Variants in DLGAP2 observed in about 807,000 individuals in gnomAD.
DLGAP2 encodes DLG associated protein 2.
A neutral mutation model predicts 100.3 loss-of-function variants in DLGAP2; 26 were observed. The observed-to-expected ratio is 0.26, with a 90% CI of 0.19 to 0.36. DLGAP2 has a LOEUF of 0.36. DLGAP2 is among the 10% of genes least tolerant of loss of function. DLGAP2 has a pLI of 1.00. For synonymous variants in DLGAP2, 886 were observed against 630.1 expected (o/e 1.41, Z -6.08); for missense variants, 1,858 against 1,453.2 (o/e 1.28, Z -4.53).
chr8:1,179,568 T>G (rs146680332), intron 2 of DLGAP2, among the ~76,000 whole-genome samples: 3 of 152,376 alleles, frequency 2.0e-5, no homozygotes, highest in East Asian at 1.9e-4. Flanking sequence ...GACGGTGGAA[T>G]TAATTTGGCA....
At chr8:947,738 G>C (rs1425036517) in intron 2 of DLGAP2, among the ~76,000 whole-genome samples, 2 of 152,172 alleles carry the variant, frequency 1.3e-5, no homozygotes, top group Non-Finnish European at 2.9e-5. Context: ...ATTCCCACCC[G>C]TCACTTTTGA....
intron 1 of DLGAP2, among the ~76,000 whole-genome samples, chr8:798,106 T>C (rs1796071184): frequency 6.6e-6 from 1 of 152,236 alleles, no homozygotes; most frequent in African/African-American, 2.4e-5. Context: ...CCAGGCTGTT[T>C]GCATCAGTTT....
intron 2 of DLGAP2, among the ~76,000 whole-genome samples, chr8:1,118,549 G>GGCTGCTGCTGCT (rs367619218): frequency 0.052 from 7,873 of 151,674 alleles, 286 homozygotes; most frequent in African/African-American, 0.099. Context: ...AAATGAATGG[G>GGCTGCTGCTGCT]GCTGCTGCTG....
chr8:1,666,236 G>T, intron 8 of DLGAP2, among the ~76,000 whole-genome samples: 1 of 151,778 alleles, frequency 6.6e-6, no homozygotes, highest in Admixed American at 6.6e-5. Flanking sequence ...GAAAAGTCAG[G>T]AACAAAAGAA....
chr8:1,077,530 C>T (rs1803660995), intron 2 of DLGAP2, among the ~76,000 whole-genome samples: 1 of 152,206 alleles, frequency 6.6e-6, no homozygotes. Context: ...CCATTCTGGG[C>T]TCCACTGTCT....
At chr8:1,507,107 T>TA (rs1276889868) in intron 4 of DLGAP2, among the ~76,000 whole-genome samples, 1 of 152,228 alleles carries the variant, frequency 6.6e-6, no homozygotes, top group Non-Finnish European at 1.5e-5. Context: ...TGGCTTCACC[T>TA]AGCGGATCCT....
intron 5 of DLGAP2, among the ~76,000 whole-genome samples, chr8:1,559,746 T>C (rs1185521937): frequency 6.6e-6 from 1 of 152,252 alleles, no homozygotes; most frequent in Non-Finnish European, 1.5e-5. Context: ...CCAGCCAGCC[T>C]CAGCCTCCCT....
At chr8:1,637,427 C>T (rs573028471) in intron 8 of DLGAP2, among the ~76,000 whole-genome samples, 13 of 152,014 alleles carry the variant, frequency 8.6e-5, no homozygotes, top group African/African-American at 3.1e-4. Context: ...GCGGGGCTCT[C>T]AGATGCATAG....
At chr8:1,308,189 G>A (rs747976764) in intron 3 of DLGAP2, among the ~76,000 whole-genome samples, 10 of 152,226 alleles carry the variant, frequency 6.6e-5, no homozygotes, top group African/African-American at 1.2e-4. Context: ...AGGACAGAAC[G>A]CCTGCAGAGA....
chr8:1,508,074 A>C (rs979404310), intron 4 of DLGAP2, among the ~76,000 whole-genome samples: 1 of 151,866 alleles, frequency 6.6e-6, no homozygotes, highest in Non-Finnish European at 1.5e-5. Context: ...ACTGCATTTT[A>C]ACAACCCCGT....
At chr8:1,154,204 C>T (rs967391837) in intron 2 of DLGAP2, among the ~76,000 whole-genome samples, 1 of 152,196 alleles carries the variant, frequency 6.6e-6, no homozygotes. Flanking sequence ...TGAATCACTA[C>T]GGCGTCGTCC....
intron 1 of DLGAP2, among the ~76,000 whole-genome samples, chr8:824,181 C>T (rs1348264887): frequency 6.6e-6 from 1 of 152,096 alleles, no homozygotes; most frequent in Non-Finnish European, 1.5e-5. Context: ...CTCAGGTGAT[C>T]CTCCCATCTC....
At chr8:877,819 T>C (rs905862436) in intron 1 of DLGAP2, among the ~76,000 whole-genome samples, 4 of 152,318 alleles carry the variant, frequency 2.6e-5, no homozygotes, top group African/African-American at 7.2e-5. Context: ...GAGATTGTGT[T>C]CCACGGCTCT....
intron 3 of DLGAP2, among the ~76,000 whole-genome samples, chr8:1,441,202 C>T (rs998002336): frequency 3.9e-5 from 6 of 152,142 alleles, no homozygotes; most frequent in African/African-American, 1.4e-4. Flanking sequence ...TTAATCTTTT[C>T]ATTAAAATGC....
intron 4 of DLGAP2, among the ~76,000 whole-genome samples, chr8:1,548,025 C>T (rs886538999): frequency 6.6e-6 from 1 of 152,168 alleles, no homozygotes; most frequent in East Asian, 1.9e-4. Flanking sequence ...CTATGCTTTT[C>T]CCCCAAATTG....
chr8:1,668,663 C>G lies in DLGAP2; in HGVS notation c.2145C>G (p.Ser715=). 6.4e-7 allele frequency: 1 copy of G among 1,560,150 alleles called. No individual in the cohort carries two copies. The highest frequency in any genetic ancestry group is 1.7e-4 in the Middle Eastern group (1 of 5,942). ...AGGAGCTCCTCAAGAGCCGCTGCTC[C>G]TCCATCGGGATTCAGGTAGCTGCTC... ...KAEELLKSRC[S]SIGIQDSEFP... is the part of the protein sequence containing the mutation. The change falls in exon 9 of 15, where the codon TCC becomes TCG. Residue 715 remains serine (S), a synonymous_variant. Transcript: ENST00000637795.
At chr8:1,462,707 G>C (rs1255581293) in intron 3 of DLGAP2, among the ~76,000 whole-genome samples, 2 of 152,182 alleles carry the variant, frequency 1.3e-5, no homozygotes, top group Non-Finnish European at 2.9e-5. Context: ...GGAAGGGGAA[G>C]GGACCAGGAA....
At chr8:1,019,161 T>G (rs1801557762) in intron 2 of DLGAP2, 1 of 151,830 alleles carries the variant, frequency 6.6e-6, no homozygotes. Flanking sequence ...CATGCAGACG[T>G]TGTTCTAGAG....
intron 4 of DLGAP2, among the ~76,000 whole-genome samples, chr8:1,531,019 T>G (rs1223477027): frequency 2.0e-5 from 3 of 152,242 alleles, no homozygotes; most frequent in Admixed American, 1.3e-4. Flanking sequence ...CTAACATTCC[T>G]CACTTTGAAA....
Sources: allele counts gnomAD v4.1 joint callset (sites outside exome capture counted in the v4.1 genomes callset), GRCh38; gene constraint gnomAD v4.1.1; transcripts MANE v1.5; gene names NCBI Gene and HGNC (gene_info 2026-07-23, HGNC 2026-07-21).